TLCD4: variants seen among roughly 807,000 people sequenced by gnomAD.
The protein encoded by TLCD4 is TLC domain containing 4.
Under a neutral mutation model 24.2 loss-of-function variants are expected in TLCD4, and 7 were observed. That is an observed-to-expected ratio of 0.29 (90% CI 0.16 to 0.54). The LOEUF is 0.54. Among genes scored for constraint, TLCD4 ranks in the 20% least tolerant of loss-of-function variants. The pLI is 0.95. For synonymous variants in TLCD4, 103 were observed against 106.4 expected (o/e 0.97, Z 0.20); for missense variants, 259 against 313.9 (o/e 0.82, Z 1.32).
intron 1 of TLCD4, among the ~76,000 whole-genome samples, chr1:95,122,453 C>T (rs529121527): frequency 1.5e-4 from 23 of 152,300 alleles, no homozygotes; most frequent in South Asian, 8.3e-4. Flanking sequence ...ATTGATATTC[C>T]GACCTAGTTG....
At chr1:95,114,042 T>TA (rs1207899961), upstream of TLCD4, among the ~76,000 whole-genome samples, 4 of 152,170 alleles carry the variant, frequency 2.6e-5, no homozygotes, top group Non-Finnish European at 4.4e-5. Flanking sequence ...AAAGTACTTT[T>TA]AAAAAAACCT....
intron 5 of TLCD4, among the ~76,000 whole-genome samples, chr1:95,166,599 C>T (rs1190456042): frequency 6.6e-6 from 1 of 152,160 alleles, no homozygotes; most frequent in Non-Finnish European, 1.5e-5. Context: ...TCCATTCCTC[C>T]CCATCATCCA....
chr1:95,114,829 G>GAA (rs947326677), upstream of TLCD4, among the ~76,000 whole-genome samples: 1 of 137,762 alleles, frequency 7.3e-6, no homozygotes, highest in Non-Finnish European at 1.6e-5. Flanking sequence ...CTGTCTCAAA[G>GAA]AAAAAAAAAA....
At chr1:95,151,539 C>G (rs1314292225) in intron 5 of TLCD4, 120 bp downstream of exon 5, 1 of 1,158,260 alleles carries the variant, frequency 8.6e-7, no homozygotes, top group African/African-American at 1.6e-5. Flanking sequence ...CAGATGCATT[C>G]AGGGATTGCT....
chr1:95,153,815 G>A (rs938496452), intron 5 of TLCD4, among the ~76,000 whole-genome samples: 1 of 152,066 alleles, frequency 6.6e-6, no homozygotes, highest in African/African-American at 2.4e-5. Flanking sequence ...AGAACTATAA[G>A]GACATGATGG....
At chr1:95,118,141 T>A (rs2100895159) in intron 1 of TLCD4, 1 of 152,452 alleles carries the variant, frequency 6.6e-6, no homozygotes, top group South Asian at 2.1e-4. Flanking sequence ...AGCTCTTATT[T>A]ACCCTTGCAG....
chr1:95,110,968 A>G, the TLCD4 span, among the ~76,000 whole-genome samples: 1 of 151,320 alleles, frequency 6.6e-6, no homozygotes, highest in East Asian at 2.0e-4. Context: ...TATCCATAAC[A>G]TTTTAGCATA....
chr1:95,104,146 C>T, the TLCD4 span, among the ~76,000 whole-genome samples: 1 of 152,184 alleles, frequency 6.6e-6, no homozygotes, highest in African/African-American at 2.4e-5. Flanking sequence ...AGAAACACAT[C>T]ATTCTCTCTA....
At chr1:95,115,153 G>A (rs1026594146), upstream of TLCD4, among the ~76,000 whole-genome samples, 3 of 149,674 alleles carry the variant, frequency 2.0e-5, no homozygotes, top group African/African-American at 7.4e-5. Flanking sequence ...TATTGCCCAG[G>A]CTGGAGTGCT....
At chr1:95,174,799 G>A (rs577567554) in intron 6 of TLCD4, among the ~76,000 whole-genome samples, 1 of 152,086 alleles carries the variant, frequency 6.6e-6, no homozygotes, top group East Asian at 1.9e-4. Flanking sequence ...TTTTTGAGAT[G>A]GAGTCTCGCT....
In TLCD4 at chr1:95,197,150, A is replaced by G. The variant is rs1557703714; in HGVS notation, c.*5282A>G. On this transcript the variant is annotated 3_prime_UTR_variant, in exon 7 of 7. Transcript: ENST00000370203. ...ATACTTAATACCATTTTGAGAACATACCTTCTAATTTATTTCCATAAGGCT... is the reference window on the plus strand; with the variant it reads ...ATACTTAATACCATTTTGAGAACATGCCTTCTAATTTATTTCCATAAGGCT... 1 of 152,150 alleles carries G rather than the reference A, an allele frequency of 6.6e-6. No individual in the cohort carries two copies. The highest frequency in any genetic ancestry group is 1.5e-5 in the Non-Finnish European group (1 of 68,008). 9.4% of individuals were successfully genotyped at this position (152,150 alleles called of 1,614,324 possible). A position where few individuals can be genotyped will look rare whatever the true frequency, so the allele number is the denominator to read the frequency against.
At chr1:95,110,090 A>G in the TLCD4 span, among the ~76,000 whole-genome samples, 1 of 150,704 alleles carries the variant, frequency 6.6e-6, no homozygotes, top group African/African-American at 2.4e-5. Context: ...ATACATATGT[A>G]TACCAAAAAA....
At chr1:95,129,983 T>G (rs955819609) in intron 1 of TLCD4, among the ~76,000 whole-genome samples, 2 of 152,152 alleles carry the variant, frequency 1.3e-5, no homozygotes, top group African/African-American at 4.8e-5. Context: ...CATATTATCC[T>G]CCTAAGTCTT....
intron 5 of TLCD4, among the ~76,000 whole-genome samples, chr1:95,161,960 A>C (rs533393388): frequency 1.3e-5 from 2 of 152,342 alleles, no homozygotes; most frequent in Non-Finnish European, 1.5e-5. Flanking sequence ...TGTGGTGCTG[A>C]GAAGAATGTA....
rs1273025391 is a variant in TLCD4, at chr1:95,195,507, A to T, written c.*3639A>T. On this transcript the variant is annotated 3_prime_UTR_variant, in exon 7 of 7. Coordinates refer to ENST00000370203, the MANE Select transcript of TLCD4 (RefSeq NM_152487.3). ...CTGAAATGGAAAAGTTCATGTATTGACATCATCAATAATACTTCATAAAGG... is the reference window on the plus strand; with the variant it reads ...CTGAAATGGAAAAGTTCATGTATTGTCATCATCAATAATACTTCATAAAGG... 4 of 152,226 alleles carry T rather than the reference A, an allele frequency of 2.6e-5. No individual in the cohort carries two copies. The highest frequency in any genetic ancestry group is 9.6e-5 in the African/African-American group (4 of 41,464). The allele number at this position is 152,226 out of a possible 1,614,324, so 9.4% of individuals were successfully genotyped here. A position where few individuals can be genotyped will look rare whatever the true frequency, so the allele number is the denominator to read the frequency against.
At position 95,193,805 on chromosome 1, in the gene TLCD4, A is replaced by G. The variant is rs1679100511; in HGVS notation, c.*1937A>G. 6.6e-6 allele frequency: 1 copy of G among 152,134 alleles called. No individual in the cohort carries two copies. The highest frequency in any genetic ancestry group is 1.5e-5 in the Non-Finnish European group (1 of 67,958). 9.4% of individuals were successfully genotyped at this position (152,134 alleles called of 1,614,324 possible). The stretch of plus-strand genomic sequence containing the variant: ...TGTTGCTAAATTTAGTGCTGTCCAC[A>G]TCATAGGTGCTTAAATATGTACTGG... On this transcript the variant is annotated 3_prime_UTR_variant, in exon 7 of 7. Coordinates refer to ENST00000370203, the MANE Select transcript of TLCD4 (RefSeq NM_152487.3).
intron 3 of TLCD4, 32 bp from the exon 4 acceptor site, chr1:95,150,176 T>C: frequency 1.3e-6 from 2 of 1,594,892 alleles, no homozygotes; most frequent in Admixed American, 3.5e-5. Flanking sequence ...ACAATCTATA[T>C]ACTTTAAAAA....
rs148204790 is a variant in TLCD4, at chr1:95,190,400, G to C, written c.474-1150G>C. ...GGCTGGAGTGTGGTGGTGTGATCTC[G>C]GCTCATTGCAACCTCTGCCTCCTGG... is the stretch of plus-strand genomic sequence containing the variant. On this transcript the variant is annotated intron_variant, in intron 6 of 6. Coordinates refer to ENST00000370203, the MANE Select transcript of TLCD4 (RefSeq NM_152487.3). Among the ~76,000 whole-genome samples, 4 of 151,732 alleles carry C rather than the reference G, an allele frequency of 2.6e-5. No individual in the cohort carries two copies. The East Asian group carries it at 7.8e-4, about 29-fold the overall frequency.
intron 2 of TLCD4, among the ~76,000 whole-genome samples, chr1:95,144,823 TGGGATTACAG>T (rs1431048715): frequency 6.6e-6 from 1 of 152,084 alleles, no homozygotes; most frequent in Non-Finnish European, 1.5e-5. Context: ...CCTGAGTAGC[TGGGATTACAG>T]GCATGCGCCA....
Sources: allele counts gnomAD v4.1 joint callset (sites outside exome capture counted in the v4.1 genomes callset), GRCh38; gene constraint gnomAD v4.1.1; transcripts MANE v1.5; gene names NCBI Gene and HGNC (gene_info 2026-07-23, HGNC 2026-07-21).